Variants in SPANXN1 observed in about 807,000 individuals in gnomAD.
The protein encoded by SPANXN1 is SPANX family member N1.
SPANXN1 carries 1 observed loss-of-function variant against 2.0 expected under a neutral mutation model. The observed-to-expected ratio is 0.50, with a 90% CI of 0.18 to 2.36. The LOEUF (loss-of-function observed/expected upper bound fraction) is 2.36. SPANXN1 is among the 30% of genes most tolerant of loss of function. SPANXN1 has a pLI of 0.26. For synonymous variants in SPANXN1, 27 were observed against 21.3 expected, an observed-to-expected ratio of 1.27 and a Z score of -0.74; for missense variants, 55 against 51.8, an observed-to-expected ratio of 1.06 and a Z score of -0.19.
At chrX:145,248,930 T>C (rs782390866) in intron 1 of SPANXN1, among the ~76,000 whole-genome samples, 6 of 111,938 alleles carry the variant, frequency 5.4e-5, no homozygotes, top group South Asian at 3.8e-4. Flanking sequence ...AGAGTGGCTC[T>C]AGCCAAGAGG....
intron 1 of SPANXN1, among the ~76,000 whole-genome samples, chrX:145,251,088 A>C (rs1556882453): frequency 8.9e-6 from 1 of 111,904 alleles, no homozygotes; most frequent in African/African-American, 3.3e-5. Flanking sequence ...ATTTTCAGCA[A>C]TGATGGAATA....
intron 1 of SPANXN1, among the ~76,000 whole-genome samples, chrX:145,253,064 T>C (rs1289255081): frequency 9.0e-6 from 1 of 111,402 alleles, no homozygotes; most frequent in African/African-American, 3.3e-5. Context: ...CGGTGGACTC[T>C]AGGCCCCGTC....
At chrX:145,252,868 G>A (rs1256143621) in intron 1 of SPANXN1, among the ~76,000 whole-genome samples, 2 of 110,442 alleles carry the variant, frequency 1.8e-5, no homozygotes, top group African/African-American at 3.3e-5. Context: ...AATAAAGGAC[G>A]AGTCTGTGCC....
At chrX:145,251,314 C>T (rs781823750) in intron 1 of SPANXN1, among the ~76,000 whole-genome samples, 1 of 111,738 alleles carries the variant, frequency 8.9e-6, no homozygotes, top group South Asian at 3.8e-4. Flanking sequence ...AGAGGGTTAC[C>T]TATGAATAAG....
At chrX:145,254,845 A>T (rs1300291012) in intron 1 of SPANXN1, among the ~76,000 whole-genome samples, 2 of 111,803 alleles carry the variant, frequency 1.8e-5, no homozygotes, top group Non-Finnish European at 3.8e-5. Flanking sequence ...AGTTTGATCA[A>T]TATCTGGAGG....
At chrX:145,255,171 C>A (rs1337112608) in intron 1 of SPANXN1, among the ~76,000 whole-genome samples, 1 of 111,594 alleles carries the variant, frequency 9.0e-6, no homozygotes, top group Non-Finnish European at 1.9e-5. Context: ...CTGCTTACAG[C>A]CTGGGGTACT....
chrX:145,254,024 T>C (rs781826578), intron 1 of SPANXN1, among the ~76,000 whole-genome samples: 2 of 105,582 alleles, frequency 1.9e-5, no homozygotes, highest in African/African-American at 3.5e-5. Flanking sequence ...GGGGGTTGGG[T>C]GTGAGACCTG....
intron 1 of SPANXN1, among the ~76,000 whole-genome samples, chrX:145,248,407 G>T (rs1325488176): frequency 9.0e-6 from 1 of 111,362 alleles, no homozygotes; most frequent in African/African-American, 3.3e-5. Context: ...AAGATTAACG[G>T]CCCTAAGAAA....
chrX:145,251,043 G>C (rs1156238703), intron 1 of SPANXN1, among the ~76,000 whole-genome samples: 8 of 112,258 alleles, frequency 7.1e-5, no homozygotes, highest in African/African-American at 2.6e-4. Context: ...TTGAGAGGCA[G>C]CATGGGGTGG....
intron 1 of SPANXN1, among the ~76,000 whole-genome samples, chrX:145,248,821 T>C (rs782471172): frequency 5.3e-4 from 59 of 111,742 alleles, no homozygotes; most frequent in African/African-American, 1.7e-3. Context: ...TTGTAACTAA[T>C]AGCCACTGTG....
intron 1 of SPANXN1, among the ~76,000 whole-genome samples, chrX:145,255,370 C>T (rs1443910813): frequency 9.0e-6 from 1 of 111,624 alleles, no homozygotes; most frequent in Non-Finnish European, 1.9e-5. Flanking sequence ...GCCTTGTGGA[C>T]AGGTGGTTAG....
chrX:145,247,541 G>C lies in SPANXN1; in HGVS notation c.-46G>C. The C allele has an allele frequency of 3.5e-6, 4 of 1,145,448 alleles. No individual in the cohort carries two copies. The highest frequency in any genetic ancestry group is 3.6e-5 in the African/African-American group (2 of 55,708). 94.4% of individuals were successfully genotyped at this position (1,145,448 alleles called of 1,213,427 possible). On this transcript the variant is annotated 5_prime_UTR_variant, in exon 1 of 2. Coordinates refer to ENST00000370493, the MANE Select transcript of SPANXN1 (RefSeq NM_001009614.3). ...GCTTCAATACAGCTGTGCAAGTCTG[G>C]AGTCTACAAGAGCCTACTATAGACA...
In SPANXN1 at chrX:145,248,882, C is replaced by G. The variant is rs782468115; in HGVS notation, c.75+1221C>G. Among the ~76,000 whole-genome samples, 38 of 111,570 alleles carry G rather than the reference C, an allele frequency of 3.4e-4. 1 individual carries two copies. Among genetic ancestry groups the G allele is most frequent in the Middle Eastern group, 4.7e-3 (1 of 215 alleles). On this transcript the variant is annotated intron_variant, in intron 1 of 1. Coordinates refer to ENST00000370493, the MANE Select transcript of SPANXN1 (RefSeq NM_001009614.3). ...GTTGCAGTTGAGGGAATTGTTTGTG[C>G]ATGTTTTCCAGGGAGCGCCCTTGAG...
chrX:145,253,292 G>GA (rs1468854191), intron 1 of SPANXN1, among the ~76,000 whole-genome samples: 5 of 111,125 alleles, frequency 4.5e-5, no homozygotes, highest in Non-Finnish European at 7.5e-5. Context: ...GAACCCTGTT[G>GA]AGTGGCAGCC....
intron 1 of SPANXN1, among the ~76,000 whole-genome samples, chrX:145,250,996 G>C (rs1267567904): frequency 2.7e-5 from 3 of 112,167 alleles, no homozygotes; most frequent in Non-Finnish European, 5.6e-5. Flanking sequence ...CCCTTTGCTA[G>C]GGTGAGGGCC....
intron 1 of SPANXN1, among the ~76,000 whole-genome samples, chrX:145,255,368 G>T (rs782643453): frequency 9.0e-5 from 10 of 111,626 alleles, no homozygotes; most frequent in Non-Finnish European, 1.5e-4. Flanking sequence ...CCGCCTTGTG[G>T]ACAGGTGGTT....
At chrX:145,255,293 G>A (rs782529517) in intron 1 of SPANXN1, among the ~76,000 whole-genome samples, 1 of 111,470 alleles carries the variant, frequency 9.0e-6, no homozygotes, top group African/African-American at 3.3e-5. Flanking sequence ...GAATATCATT[G>A]TGGTGTTCCT....
chrX:145,251,490 G>A (rs1358459937), intron 1 of SPANXN1, among the ~76,000 whole-genome samples: 4 of 111,203 alleles, frequency 3.6e-5, no homozygotes, highest in Non-Finnish European at 7.5e-5. Flanking sequence ...TAGTCAGAGT[G>A]ACCAGCATTG....
chrX:145,248,950 G>C (rs782235191), intron 1 of SPANXN1, among the ~76,000 whole-genome samples: 1 of 111,525 alleles, frequency 9.0e-6, no homozygotes, highest in Non-Finnish European at 1.9e-5. Context: ...GGGAGGCGTT[G>C]GTAAGAGGTA....
Sources: gnomAD v4.1 joint callset for allele counts (sites outside exome capture counted in the v4.1 genomes callset) on GRCh38, gnomAD v4.1.1 for gene constraint, MANE v1.5 for transcripts, NCBI Gene and HGNC (gene_info 2026-07-23, HGNC 2026-07-21) for gene names.